The following PTPRQ variants were observed in gnomAD, a reference collection of about 807,000 sequenced individuals.
The protein encoded by PTPRQ is protein tyrosine phosphatase receptor type Q, also known as phosphatidylinositol phosphatase PTPRQ.
A neutral mutation model predicts 246.0 loss-of-function variants in PTPRQ; 199 were observed. The observed-to-expected ratio is 0.81, with a 90% CI of 0.72 to 0.91. The LOEUF is 0.91. PTPRQ is among the 40% of genes least tolerant of loss of function. The pLI, the probability that PTPRQ is intolerant of heterozygous loss-of-function variation, is 0.00. For synonymous variants in PTPRQ, 869 were observed against 853.2 expected (o/e 1.02, Z -0.32); for missense variants, 2,624 against 2,528.4 (o/e 1.04, Z -0.81).
At chr12:80,669,279 G>A (rs974110798) in intron 40 of PTPRQ, 60 bp from the exon 41 acceptor site, 1 of 1,538,614 alleles carries the variant, frequency 6.5e-7, no homozygotes, top group African/African-American at 1.4e-5. Flanking sequence ...AATAACTGTG[G>A]TATACATATA....
At chr12:80,474,342 T>C (rs1592552303) in intron 8 of PTPRQ, among the ~76,000 whole-genome samples, 1 of 152,196 alleles carries the variant, frequency 6.6e-6, no homozygotes, top group East Asian at 1.9e-4. Context: ...TTAGGACTAG[T>C]TTGCTTCTTT....
chr12:80,466,838 C>T (rs1469829550), intron 6 of PTPRQ, among the ~76,000 whole-genome samples: 1 of 152,152 alleles, frequency 6.6e-6, no homozygotes, highest in South Asian at 2.1e-4. Flanking sequence ...CTTCCTTATA[C>T]CTTATACAAA....
chr12:80,619,946 A>G (rs907982236), intron 31 of PTPRQ, among the ~76,000 whole-genome samples: 6 of 151,518 alleles, frequency 4.0e-5, no homozygotes, highest in African/African-American at 1.5e-4. Flanking sequence ...CTACCTGATA[A>G]ATCATCCTTT....
chr12:80,632,044 A>G (rs902061231), intron 33 of PTPRQ, 148 bp from the exon 34 acceptor site: 25 of 1,120,094 alleles, frequency 2.2e-5, no homozygotes, highest in Admixed American at 3.1e-5. Flanking sequence ...AAAATCTAGG[A>G]GAAGAGGAAC....
intron 42 of PTPRQ, among the ~76,000 whole-genome samples, chr12:80,671,364 ATGAT>A (rs1900964298): frequency 6.6e-6 from 1 of 152,102 alleles, no homozygotes; most frequent in Non-Finnish European, 1.5e-5. Context: ...TCTACAGTCA[ATGAT>A]TGATTTTATG....
chr12:80,466,549 G>T (rs1261389539), intron 6 of PTPRQ, among the ~76,000 whole-genome samples: 4 of 152,158 alleles, frequency 2.6e-5, no homozygotes, highest in African/African-American at 4.8e-5. Context: ...GCATTGCCAA[G>T]TCAATCCTAA....
At chr12:80,549,431 C>T (rs184033806) in intron 24 of PTPRQ, 34 bp from the exon 25 acceptor site, 3 of 1,513,228 alleles carry the variant, frequency 2.0e-6, no homozygotes, top group Non-Finnish European at 2.7e-6. Flanking sequence ...CATATGTATA[C>T]ACTTTAACTT....
chr12:80,509,352 A>G (rs1895057113), intron 16 of PTPRQ, among the ~76,000 whole-genome samples: 1 of 152,070 alleles, frequency 6.6e-6, no homozygotes, highest in Non-Finnish European at 1.5e-5. Flanking sequence ...TAAGTCAGGT[A>G]GCATTCTGTC....
At chr12:80,483,362 T>C (rs1348857487) in intron 8 of PTPRQ, among the ~76,000 whole-genome samples, 7 of 121,460 alleles carry the variant, frequency 5.8e-5, no homozygotes, top group Non-Finnish European at 8.3e-5. Context: ...AACATCACAC[T>C]CTGGGGCCTG....
chr12:80,520,810 A>G (rs542265682), intron 17 of PTPRQ, among the ~76,000 whole-genome samples: 3,643 of 152,114 alleles, frequency 0.024, 138 homozygotes, highest in African/African-American at 0.082. Context: ...GAATAGTGCC[A>G]CAATAAACAT....
intron 25 of PTPRQ, among the ~76,000 whole-genome samples, chr12:80,572,127 G>A (rs1897163471): frequency 6.6e-6 from 1 of 151,800 alleles, no homozygotes; most frequent in African/African-American, 2.4e-5. Flanking sequence ...CTATACATGG[G>A]GAGAATTGAC....
intron 30 of PTPRQ, among the ~76,000 whole-genome samples, 198 bp from the exon 31 acceptor site, chr12:80,619,186 G>A (rs1278318211): frequency 6.6e-6 from 1 of 151,542 alleles, no homozygotes; most frequent in African/African-American, 2.4e-5. Flanking sequence ...TCTCAGGGAA[G>A]TCTCAAATGT....
At chr12:80,641,723 C>A (rs1317366811) in intron 35 of PTPRQ, among the ~76,000 whole-genome samples, 1 of 152,146 alleles carries the variant, frequency 6.6e-6, no homozygotes, top group Non-Finnish European at 1.5e-5. Flanking sequence ...CAATTTTCAA[C>A]CAGCACTCAA....
At position 80,636,198 on chromosome 12, in the gene PTPRQ, A is replaced by G. The variant is rs73150784; in HGVS notation, c.5915+1125A>G. Among the ~76,000 whole-genome samples, 1,133 of 152,330 alleles carry G rather than the reference A, an allele frequency of 7.4e-3. 10 individuals are homozygous for G. Among genetic ancestry groups the G allele is most frequent in the Non-Finnish European group, 0.011 (729 of 68,030 alleles). ...ATTCAGATGTTGATCTTTGTGTTCT[A>G]ATACAGTGGTCCTATCCACAAATGG... On this transcript the variant is annotated intron_variant, in intron 35 of 44. Coordinates refer to ENST00000644991, the MANE Select transcript of PTPRQ (RefSeq NM_001145026.2).
rs1305173718 is a variant in PTPRQ at position 80,543,967 on chromosome 12, G to GA, written c.3873+1092dup. ...GTCACTGGGAGATAGATATCAAAAG[G>GA]AAAAAAGAATCATTTTCTCAGAGTA... On this transcript the variant is annotated intron_variant, in intron 23 of 44. Coordinates refer to ENST00000644991, the MANE Select transcript of PTPRQ (RefSeq NM_001145026.2). Among the ~76,000 whole-genome samples, 59 of 151,882 alleles carry GA rather than the reference G, an allele frequency of 3.9e-4. 1 individual carries two copies. The highest frequency in any genetic ancestry group is 1.7e-4 in the African/African-American group (7 of 41,370).
At chr12:80,653,273 G>A (rs989187706) in intron 38 of PTPRQ, among the ~76,000 whole-genome samples, 5 of 152,142 alleles carry the variant, frequency 3.3e-5, no homozygotes, top group South Asian at 4.2e-4. Context: ...GAGTAAATGC[G>A]CACTTACATG....
At chr12:80,653,529 T>C (rs1390314908) in intron 38 of PTPRQ, among the ~76,000 whole-genome samples, 2 of 152,224 alleles carry the variant, frequency 1.3e-5, no homozygotes, top group East Asian at 3.8e-4. Context: ...CATTGTGATG[T>C]CCTGAAACGT....
At chr12:80,444,890 GGAGTCAGTATA>G in intron 2 of PTPRQ, 41 bp downstream of exon 2, 1 of 1,463,790 alleles carries the variant, frequency 6.8e-7, no homozygotes, top group Non-Finnish European at 9.1e-7. Context: ...TAAAGTATTT[GGAGTCAGTATA>G]ATTCTACTGG....
At chr12:80,468,485 A>G (rs1182600266) in intron 6 of PTPRQ, among the ~76,000 whole-genome samples, 1 of 152,212 alleles carries the variant, frequency 6.6e-6, no homozygotes, top group Non-Finnish European at 1.5e-5. Flanking sequence ...ACAGTATTAA[A>G]TAAAATCAGT....
Sources: allele counts gnomAD v4.1 joint callset (sites outside exome capture counted in the v4.1 genomes callset), GRCh38; gene constraint gnomAD v4.1.1; transcripts MANE v1.5; gene names NCBI Gene and HGNC (gene_info 2026-07-23, HGNC 2026-07-21).